MAX: variants seen among roughly 807,000 people sequenced by gnomAD.
MAX encodes MYC associated transcriptional regulator X, also known as protein max.
MAX carries 3 observed loss-of-function variants against 22.3 expected under a neutral mutation model. That is an observed-to-expected ratio of 0.13 (90% CI 0.06 to 0.35). The LOEUF is 0.35. Among genes scored for constraint, MAX ranks in the 10% least tolerant of loss-of-function variants. MAX has a pLI of 1.00. For missense variants in MAX, 119 were observed against 209.4 expected, an observed-to-expected ratio of 0.57 and a Z score of 2.66; for synonymous variants, 72 against 77.7, an observed-to-expected ratio of 0.93 and a Z score of 0.39.
In MAX at chr14:65,088,639, C is replaced by T. The variant is rs1329330078; in HGVS notation, c.171+5069G>A. On this transcript the variant is annotated intron_variant, in intron 3 of 4. Transcript: ENST00000358664. The surrounding 1 kb of genome is among the most constrained non-coding windows in gnomAD (Gnocchi z 5.2). ...TGAGCCATCTCCCAAAATAATGTGG[C>T]CAGGTTGATGGGGGATTCCTCCCCT... Among the ~76,000 whole-genome samples, 1 of 152,168 alleles carries T rather than the reference C, an allele frequency of 6.6e-6. No homozygotes were observed. Among genetic ancestry groups the T allele is most frequent in the Non-Finnish European group, 1.5e-5 (1 of 68,036 alleles).
downstream of MAX, among the ~76,000 whole-genome samples, chr14:65,073,609 T>A (rs922005004): frequency 2.6e-5 from 4 of 152,074 alleles, no homozygotes; most frequent in African/African-American, 9.7e-5. Flanking sequence ...CAGAGTAATA[T>A]AAAAAATAAA....
At position 65,032,631 on chromosome 14, in the gene MAX, C is replaced by T. The variant is rs148288483; in HGVS notation, c.172-26347G>A. On this transcript the variant is annotated intron_variant, in intron 3 of 3. Transcript: ENST00000341653. This position sits in a 1 kb window ranked among gnomAD's most constrained non-coding sequence, Gnocchi z 5.0. ...CCAGAAGCGCATACTGTGCTGCCTCCGTAGCCTCGCTGACCAACATCATCA... is the reference window on the plus strand; with the variant it reads ...CCAGAAGCGCATACTGTGCTGCCTCTGTAGCCTCGCTGACCAACATCATCA... 29 of 1,613,840 alleles carry T rather than the reference C, an allele frequency of 1.8e-5. No homozygotes were observed. Among genetic ancestry groups the T allele is most frequent in the East Asian group, 8.9e-5 (4 of 44,890 alleles).
chr14:65,095,439 T>A (rs554165279), intron 2 of MAX, among the ~76,000 whole-genome samples: 4 of 152,340 alleles, frequency 2.6e-5, no homozygotes, highest in African/African-American at 9.6e-5. Flanking sequence ...AGGTAGGTAC[T>A]CTGTATCATA....
rs1566622203 is a variant in MAX, at chr14:65,093,656, A to T, written c.171+52T>A. On this transcript the variant is annotated intron_variant, in intron 3 of 4. Transcript: ENST00000358664. This position sits in a 1 kb window ranked among gnomAD's most constrained non-coding sequence, Gnocchi z 4.4. ...GGTGAGTGCTCTGCTAAGCTCTGCA[A>T]CAAGTTCCAAGCTAGTAGTGGCCAG... 3.1e-6 allele frequency: 3 copies of T among 956,546 alleles called. No individual in the cohort carries two copies. The highest frequency in any genetic ancestry group is 5.2e-6 in the Non-Finnish European group (3 of 579,470). The allele number at this position is 956,546 out of a possible 1,614,324, so 59.3% of individuals were successfully genotyped here.
intron 2 of MAX, among the ~76,000 whole-genome samples, chr14:65,099,072 C>A (rs898083287): frequency 2.0e-5 from 3 of 152,040 alleles, no homozygotes; most frequent in Non-Finnish European, 4.4e-5. Context: ...TTAAGAATAG[C>A]TCCCTCTTAA....
At chr14:65,034,564 G>C (rs535083430) in intron 3 of MAX, among the ~76,000 whole-genome samples, 217 of 152,290 alleles carry the variant, frequency 1.4e-3, no homozygotes, top group African/African-American at 5.0e-3. Flanking sequence ...ATAGTAACCA[G>C]AGTTCATTGA....
downstream of MAX, among the ~76,000 whole-genome samples, chr14:65,071,098 T>C (rs541713821): frequency 1.3e-5 from 2 of 152,314 alleles, no homozygotes; most frequent in African/African-American, 2.4e-5. This position sits in a 1 kb window ranked among gnomAD's most constrained non-coding sequence, Gnocchi z 4.2. Context: ...GATTTTAATA[T>C]ACTAAACTCT....
intron 3 of MAX, among the ~76,000 whole-genome samples, chr14:65,036,238 TA>T (rs1421446128): frequency 1.3e-5 from 2 of 152,086 alleles, no homozygotes; most frequent in African/African-American, 4.8e-5. Flanking sequence ...TAATTTAATT[TA>T]ATTTATTTAT....
At chr14:65,071,335 G>A (rs2062986857), downstream of MAX, among the ~76,000 whole-genome samples, 1 of 152,210 alleles carries the variant, frequency 6.6e-6, no homozygotes, top group South Asian at 2.1e-4. The surrounding 1 kb of genome is among the most constrained non-coding windows in gnomAD (Gnocchi z 4.2). Flanking sequence ...GTAGAGACGG[G>A]GTTTCACCAC....
At chr14:65,095,589 G>A (rs1231507601) in intron 2 of MAX, among the ~76,000 whole-genome samples, 3 of 152,130 alleles carry the variant, frequency 2.0e-5, no homozygotes, top group Admixed American at 6.5e-5. Flanking sequence ...GTTGGGCTGC[G>A]ACTATACCTA....
At position 65,012,648 on chromosome 14, in the gene MAX, T is replaced by C. The variant is rs920173637; in HGVS notation, c.172-6364A>G. ...CTGTTACTAGATGATGACTAAGGGG[T>C]TCACGTGCTTTATCTAGACCTCCTT... On this transcript the variant is annotated intron_variant, in intron 3 of 3. Coordinates refer to the MAX transcript ENST00000341653. This position sits in a 1 kb window ranked among gnomAD's most constrained non-coding sequence, Gnocchi z 5.0. Among the ~76,000 whole-genome samples, 8 of 152,064 alleles carry C rather than the reference T, an allele frequency of 5.3e-5. No individual in the cohort carries two copies. The highest frequency in any genetic ancestry group is 1.9e-4 in the African/African-American group (8 of 41,402).
intron 3 of MAX, among the ~76,000 whole-genome samples, chr14:65,021,018 C>T (rs1758108494): frequency 6.6e-6 from 1 of 152,232 alleles, no homozygotes; most frequent in African/African-American, 2.4e-5. Flanking sequence ...ATGTGAGCCA[C>T]CGCACCCGGC....
At position 65,084,142 on chromosome 14, in the gene MAX, A is replaced by G. The variant is rs925133785; in HGVS notation, c.172-6106T>C. 2 of 1,611,624 alleles carry G rather than the reference A, an allele frequency of 1.2e-6. No homozygotes were observed. The highest frequency in any genetic ancestry group is 2.7e-5 in the African/African-American group (2 of 74,876). ...CTCAAGCAGCTTAATTAAAGCCAGG[A>G]GTAAGACATTTGTGTAAGGGGTCAA... On this transcript the variant is annotated intron_variant, in intron 3 of 4. Transcript: ENST00000358664. The surrounding 1 kb of genome is among the most constrained non-coding windows in gnomAD (Gnocchi z 4.3).
At chr14:65,053,283 C>G in intron 3 of MAX, 1 of 1,466,018 alleles carries the variant, frequency 6.8e-7, no homozygotes, top group Non-Finnish European at 9.1e-7. Context: ...CATCAGCAGG[C>G]CCTGCAGGAG....
At chr14:65,053,698 A>G (rs771254421) in intron 3 of MAX, among the ~76,000 whole-genome samples, 13 of 152,190 alleles carry the variant, frequency 8.5e-5, no homozygotes, top group Admixed American at 5.2e-4. Flanking sequence ...TGTTGTAAAC[A>G]GAGACTGTAA....
In MAX at chr14:65,009,243, T is replaced by A. The variant is rs1402347518; in HGVS notation, c.172-2959A>T. 6.6e-6 allele frequency among the ~76,000 whole-genome samples: 1 copy of A among 152,192 alleles called. No individual in the cohort carries two copies. Among genetic ancestry groups the A allele is most frequent in the Non-Finnish European group, 1.5e-5 (1 of 68,018 alleles). The stretch of plus-strand genomic sequence containing the variant: ...AACCACAGAGATTTATTTTTTCACA[T>A]TTCTGGAGGCCAGAAGTCTAAGACC... On this transcript the variant is annotated intron_variant, in intron 3 of 3. Coordinates refer to the MAX transcript ENST00000341653. This position sits in a 1 kb window ranked among gnomAD's most constrained non-coding sequence, Gnocchi z 4.2.
intron 3 of MAX, among the ~76,000 whole-genome samples, chr14:65,018,519 A>T (rs1281415065): frequency 6.6e-6 from 1 of 152,104 alleles, no homozygotes; most frequent in African/African-American, 2.4e-5. Flanking sequence ...TGATTTTATA[A>T]ACTTTCTGGG....
At chr14:65,050,694 T>C (rs557770530) in intron 3 of MAX, among the ~76,000 whole-genome samples, 1 of 152,370 alleles carries the variant, frequency 6.6e-6, no homozygotes, top group South Asian at 2.1e-4. Flanking sequence ...AGTTTATTTA[T>C]ATATTTATTT....
rs1486883514 is a variant in MAX, at chr14:65,077,536, T to C, written c.295+377A>G. ...GACAATGGGGAGGGCTCACTGTCCCTGAACACCTGGAGTCTCTGGTACTTA... is the reference window on the plus strand; with the variant it reads ...GACAATGGGGAGGGCTCACTGTCCCCGAACACCTGGAGTCTCTGGTACTTA... On this transcript the variant is annotated intron_variant, in intron 4 of 4. Transcript: ENST00000358664. The surrounding 1 kb of genome is among the most constrained non-coding windows in gnomAD (Gnocchi z 6.3). 3.2e-6 allele frequency: 3 copies of C among 946,672 alleles called. No individual in the cohort carries two copies. Among genetic ancestry groups the C allele is most frequent in the Middle Eastern group, 2.1e-4 (1 of 4,770 alleles). The allele number at this position is 946,672 out of a possible 1,614,324, so 58.6% of individuals were successfully genotyped here. A position where few individuals can be genotyped will look rare whatever the true frequency, so the allele number is the denominator to read the frequency against.
Sources: gnomAD v4.1 joint callset for allele counts (sites outside exome capture counted in the v4.1 genomes callset) on GRCh38, gnomAD v4.1.1 for gene constraint, Gnocchi (gnomAD v3.1) non-coding constraint, MANE v1.5 for transcripts, NCBI Gene and HGNC (gene_info 2026-07-23, HGNC 2026-07-21) for gene names.